ANKMY2: variants seen among roughly 807,000 people sequenced by gnomAD.
ANKMY2 encodes ankyrin repeat and MYND domain-containing protein 2.
ANKMY2 carries 36 observed loss-of-function variants against 50.4 expected under a neutral mutation model. That is an observed-to-expected ratio of 0.71 (90% CI 0.55 to 0.94). The LOEUF (loss-of-function observed/expected upper bound fraction) is 0.94, where lower values mean the gene tolerates loss of function less well. Ranked by LOEUF, ANKMY2 falls within the 40% of genes least tolerant of loss-of-function variation. The pLI is 0.00. For synonymous variants in ANKMY2, 187 were observed against 178.8 expected, an observed-to-expected ratio of 1.05 and a Z score of -0.36; for missense variants, 565 against 524.0, an observed-to-expected ratio of 1.08 and a Z score of -0.76.
intron 1 of ANKMY2, among the ~76,000 whole-genome samples, chr7:16,639,137 T>A (rs1401395236): frequency 6.6e-6 from 1 of 152,182 alleles, no homozygotes; most frequent in African/African-American, 2.4e-5. Context: ...TGTAATGACA[T>A]TAGTCGGAAA....
At chr7:16,628,548 G>A (rs1013559794) in intron 2 of ANKMY2, among the ~76,000 whole-genome samples, 3 of 152,052 alleles carry the variant, frequency 2.0e-5, no homozygotes, top group East Asian at 1.9e-4. Context: ...TCTCATTGCC[G>A]TGCTTCAAGG....
chr7:16,637,442 C>G (rs1781678950), intron 1 of ANKMY2, among the ~76,000 whole-genome samples: 1 of 152,124 alleles, frequency 6.6e-6, no homozygotes, highest in South Asian at 2.1e-4. Context: ...GTTCCCCTCA[C>G]CAACAGAGAA....
rs139495074 is a variant in ANKMY2 at position 16,636,394 on chromosome 7, G to A, written c.129C>T (p.Asp43=). The change falls in exon 2 of 10, where the codon GAC becomes GAT. Residue 43 remains aspartate (D), a synonymous_variant. Coordinates refer to ENST00000306999, the MANE Select transcript of ANKMY2 (RefSeq NM_020319.3). ...TATTAAACTTCTAAAATCTTACCTCGTCCAAACAGTTGACACGAACATTCT... is the reference window on the plus strand; with the variant it reads ...TATTAAACTTCTAAAATCTTACCTCATCCAAACAGTTGACACGAACATTCT... ...SSKNVRVNCL[D]ENGMTPLMHA... 420 of 1,563,484 alleles carry A rather than the reference G, an allele frequency of 2.7e-4. 2 individuals carry two copies. In the African/African-American group the frequency reaches 4.8e-3, roughly 18 times the overall value.
At position 16,609,687 on chromosome 7, in the gene ANKMY2, A is replaced by G; in HGVS notation, c.825T>C (p.Pro275=). 1 of 1,613,150 alleles carries G rather than the reference A, an allele frequency of 6.2e-7. No homozygotes were observed. Among genetic ancestry groups the G allele is most frequent in the Non-Finnish European group, 8.5e-7 (1 of 1,179,768 alleles). ...KIIRESIRKF[P]YCEATLLQQL... The stretch of plus-strand genomic sequence containing the variant: ...GCTGGAGGAGTGTAGCTTCACAGTA[A>G]GGAAATTTTCTGATACTTTCTCTAA... The change falls in exon 7 of 10, where the codon CCT becomes CCC. Residue 275 remains proline, a synonymous_variant. Coordinates refer to ENST00000306999, the MANE Select transcript of ANKMY2 (RefSeq NM_020319.3).
In ANKMY2 at chr7:16,602,481, T is replaced by C. The variant is rs1781087610; in HGVS notation, c.1040A>G (p.Lys347Arg). ...TTTCTTATGAGTAAACCAGTGTGTT[T>C]TCTGGCAGGTTTGATCACAATATAT... ...MVIYCDQTCQ[K>R]THWFTHKKIC... The change falls in exon 9 of 10, where the codon AAA (lysine) becomes AGA (arginine). Residue 347 changes from lysine to arginine, a missense_variant. Lys to Arg is a conservative substitution (Grantham distance 26). Coordinates refer to ENST00000306999, the MANE Select transcript of ANKMY2 (RefSeq NM_020319.3). 6.2e-7 allele frequency: 1 copy of C among 1,613,688 alleles called. No individual in the cohort carries two copies. Among genetic ancestry groups the C allele is most frequent in the Non-Finnish European group, 8.5e-7 (1 of 1,179,910 alleles).
Position 16,599,818 on chromosome 7 carries a change from A to G in ANKMY2, c.*943T>C, listed in dbSNP as rs1254812368. ...CACAATTTATTTTAAAATCCACACA[A>G]GAAACCCAGAAATGCAGCATTATCT... On this transcript the variant is annotated 3_prime_UTR_variant, in exon 10 of 10. Coordinates refer to ENST00000306999, the MANE Select transcript of ANKMY2 (RefSeq NM_020319.3). 3 of 152,198 alleles carry G rather than the reference A, an allele frequency of 2.0e-5. No individual in the cohort carries two copies. Among genetic ancestry groups the G allele is most frequent in the Non-Finnish European group, 4.4e-5 (3 of 68,030 alleles). 9.4% of individuals were successfully genotyped at this position (152,198 alleles called of 1,614,324 possible). A position where few individuals can be genotyped will look rare whatever the true frequency, so the allele number is the denominator to read the frequency against.
At chr7:16,623,755 C>G (rs950676029) in intron 4 of ANKMY2, among the ~76,000 whole-genome samples, 3 of 152,160 alleles carry the variant, frequency 2.0e-5, no homozygotes, top group Admixed American at 2.0e-4. Context: ...GGCCTGTACA[C>G]ACGGGAGTTA....
chr7:16,610,285 CAT>C (rs890614029), intron 6 of ANKMY2, among the ~76,000 whole-genome samples: 2 of 152,160 alleles, frequency 1.3e-5, no homozygotes, highest in Non-Finnish European at 2.9e-5. Context: ...TGATCTTACA[CAT>C]GTTATTTAAC....
intron 3 of ANKMY2, 22 bp downstream of exon 3, chr7:16,627,018 T>C (rs376949289): frequency 8.9e-6 from 14 of 1,572,282 alleles, no homozygotes; most frequent in South Asian, 1.2e-5. Context: ...GTAACTTATA[T>C]TTATAAATAC....
chr7:16,615,339 T>C (rs1416181680), intron 5 of ANKMY2, among the ~76,000 whole-genome samples: 2 of 152,190 alleles, frequency 1.3e-5, no homozygotes, highest in East Asian at 1.9e-4. Context: ...ACTACCCTCA[T>C]TGAAAGGGAG....
In ANKMY2 at chr7:16,645,383, G is replaced by A. The variant is rs1020261416; in HGVS notation, c.67+124C>T. 1.4e-5 allele frequency: 13 copies of A among 934,046 alleles called. No homozygotes were observed. The African/African-American group carries it at 1.7e-4, about 12-fold the overall frequency. 57.9% of individuals were successfully genotyped at this position (934,046 alleles called of 1,614,324 possible). On this transcript the variant is annotated intron_variant, in intron 1 of 9. Transcript: ENST00000306999. ...ACCAAAGGGAGAAACGCTCTTTCCCGGTTCCAGGCTGCAAACCTTGCAGAA... is the reference window on the plus strand; with the variant it reads ...ACCAAAGGGAGAAACGCTCTTTCCCAGTTCCAGGCTGCAAACCTTGCAGAA...
In ANKMY2 at chr7:16,600,207, T is replaced by C. The variant is rs183298234; in HGVS notation, c.*554A>G. 1 of 152,348 alleles carries C rather than the reference T, an allele frequency of 6.6e-6. No individual in the cohort carries two copies. The highest frequency in any genetic ancestry group is 1.9e-4 in the East Asian group (1 of 5,188). 9.4% of individuals were successfully genotyped at this position (152,348 alleles called of 1,614,324 possible). ...GTCAAGTTCAGAGTGTTCAGGATCATTTCTATATAAAACTACAATTAGCTG... is the reference window on the plus strand; with the variant it reads ...GTCAAGTTCAGAGTGTTCAGGATCACTTCTATATAAAACTACAATTAGCTG... On this transcript the variant is annotated 3_prime_UTR_variant, in exon 10 of 10. Coordinates refer to ENST00000306999, the MANE Select transcript of ANKMY2 (RefSeq NM_020319.3).
In ANKMY2 at chr7:16,600,545, A is replaced by C. The variant is rs770459363; in HGVS notation, c.*216T>G. 8.2e-5 allele frequency: 32 copies of C among 390,188 alleles called. No individual in the cohort carries two copies. The highest frequency in any genetic ancestry group is 1.3e-4 in the Non-Finnish European group (29 of 224,758). 24.2% of individuals were successfully genotyped at this position (390,188 alleles called of 1,614,324 possible). A position where few individuals can be genotyped will look rare whatever the true frequency, so the allele number is the denominator to read the frequency against. On this transcript the variant is annotated 3_prime_UTR_variant, in exon 10 of 10. Coordinates refer to ENST00000306999, the MANE Select transcript of ANKMY2 (RefSeq NM_020319.3). The stretch of plus-strand genomic sequence containing the variant: ...GTTTTTCCTGTATTTTGAAACAAAA[A>C]ATTTTCCATAGGAATATCCATTCAA...
chr7:16,635,219 T>C (rs1412416458), intron 2 of ANKMY2, among the ~76,000 whole-genome samples: 1 of 152,168 alleles, frequency 6.6e-6, no homozygotes, highest in Non-Finnish European at 1.5e-5. Flanking sequence ...TGGGTGAATC[T>C]CTATGCTAAA....
intron 2 of ANKMY2, among the ~76,000 whole-genome samples, chr7:16,636,050 A>G (rs1781654205): frequency 6.6e-6 from 1 of 152,120 alleles, no homozygotes; most frequent in Admixed American, 6.6e-5. Context: ...TCATGCCTAT[A>G]ATCCCAGCAC....
At chr7:16,641,681 G>C (rs1225511187) in intron 1 of ANKMY2, among the ~76,000 whole-genome samples, 1 of 152,078 alleles carries the variant, frequency 6.6e-6, no homozygotes, top group Non-Finnish European at 1.5e-5. Flanking sequence ...ACAAATAGTA[G>C]TATATCCTTC....
chr7:16,603,606 C>A lies in ANKMY2; in HGVS notation c.1012-1097G>T, dbSNP rs1033722115. On this transcript the variant is annotated intron_variant, in intron 8 of 9. Coordinates refer to ENST00000306999, the MANE Select transcript of ANKMY2 (RefSeq NM_020319.3). ...ATATATTGTATTATTGGCCCCAATT[C>A]TTCATTCATCCTTGCATTCATACAC... 8.5e-6 allele frequency: 4 copies of A among 471,068 alleles called. No homozygotes were observed. In the Admixed American group the frequency reaches 9.4e-5, roughly 11 times the overall value. The allele number at this position is 471,068 out of a possible 1,614,324, so 29.2% of individuals were successfully genotyped here.
intron 5 of ANKMY2, among the ~76,000 whole-genome samples, chr7:16,614,846 T>C (rs1031140006): frequency 1.3e-5 from 2 of 152,206 alleles, no homozygotes; most frequent in Non-Finnish European, 2.9e-5. Flanking sequence ...TCTTTATGAG[T>C]AAAAGCATGT....
chr7:16,633,223 G>T (rs1018842077), intron 2 of ANKMY2, among the ~76,000 whole-genome samples: 1 of 142,516 alleles, frequency 7.0e-6, no homozygotes, highest in East Asian at 2.1e-4. Context: ...TCGGTGGTAC[G>T]CTTTGAAACA....
Sources: gnomAD v4.1 joint callset for allele counts (sites outside exome capture counted in the v4.1 genomes callset) on GRCh38, gnomAD v4.1.1 for gene constraint, MANE v1.5 for transcripts, NCBI Gene and HGNC (gene_info 2026-07-23, HGNC 2026-07-21) for gene names.